The following PITPNC1 variants were observed in gnomAD, a reference collection of about 807,000 sequenced individuals.
The protein encoded by PITPNC1 is cytoplasmic phosphatidylinositol transfer protein 1.
In PITPNC1, 18 loss-of-function variants were observed where a neutral mutation model predicts 44.7. The observed-to-expected ratio is 0.40, with a 90% CI of 0.28 to 0.60. The LOEUF (loss-of-function observed/expected upper bound fraction) is 0.60, where lower values mean the gene tolerates loss of function less well. Ranked by LOEUF, PITPNC1 falls within the 20% of genes least tolerant of loss-of-function variation. The probability of loss-of-function intolerance (pLI) is 0.39; values close to 1 mark genes in which losing one functional copy is unlikely to be tolerated. For missense variants in PITPNC1, 290 were observed against 418.4 expected (o/e 0.69, Z 2.68); for synonymous variants, 141 against 149.6 (o/e 0.94, Z 0.42).
intron 1 of PITPNC1, among the ~76,000 whole-genome samples, chr17:67,487,828 G>C (rs1166281585): frequency 1.3e-5 from 2 of 152,126 alleles, no homozygotes; most frequent in African/African-American, 2.4e-5. Context: ...CTTGGGGTTT[G>C]GGATCAGCCT....
At chr17:67,453,168 C>G (rs531190168) in intron 1 of PITPNC1, among the ~76,000 whole-genome samples, 3 of 152,132 alleles carry the variant, frequency 2.0e-5, no homozygotes, top group Non-Finnish European at 4.4e-5. Flanking sequence ...AATGAGCAAA[C>G]TGATACTTTG....
chr17:67,545,505 G>C (rs1200670264), intron 2 of PITPNC1, among the ~76,000 whole-genome samples: 1 of 152,202 alleles, frequency 6.6e-6, no homozygotes, highest in African/African-American at 2.4e-5. Context: ...GAACCCAGGA[G>C]GTGGAGGTTG....
In PITPNC1 at chr17:67,512,772, C is replaced by CTT. The variant is rs66468403; in HGVS notation, c.49-20020_49-20019dup. 9.0e-3 allele frequency among the ~76,000 whole-genome samples: 1,322 copies of CTT among 146,892 alleles called. 15 individuals carry two copies. Among genetic ancestry groups the CTT allele is most frequent in the African/African-American group, 0.031 (1,257 of 40,256 alleles). Reference sequence around the variant, plus strand: ...ATTTAATTTTTGAGAATTTTATTGACTTTTTTTTTTTACCATAAGAAAAGC... The same window carrying CTT: ...ATTTAATTTTTGAGAATTTTATTGACTTTTTTTTTTTTTACCATAAGAAAAGC... On this transcript the variant is annotated intron_variant, in intron 1 of 8. Coordinates refer to ENST00000581322, the MANE Select transcript of PITPNC1 (RefSeq NM_012417.4).
chr17:67,443,487 A>G (rs979910020), intron 1 of PITPNC1, among the ~76,000 whole-genome samples: 2 of 151,828 alleles, frequency 1.3e-5, no homozygotes, highest in Non-Finnish European at 2.9e-5. Flanking sequence ...TTCCACTGCC[A>G]GCTCCTTGAG....
chr17:67,605,318 A>G (rs2041594610), intron 5 of PITPNC1, among the ~76,000 whole-genome samples: 2 of 152,162 alleles, frequency 1.3e-5, no homozygotes, highest in Admixed American at 6.5e-5. Flanking sequence ...CCCTGCATGG[A>G]GAAGGAGACA....
intron 5 of PITPNC1, among the ~76,000 whole-genome samples, chr17:67,588,237 C>T (rs147754837): frequency 6.6e-6 from 1 of 152,190 alleles, no homozygotes; most frequent in Non-Finnish European, 1.5e-5. Context: ...CTCCTGACCT[C>T]AAGTGATCTG....
chr17:67,493,702 G>A (rs1784857577), intron 1 of PITPNC1, among the ~76,000 whole-genome samples: 1 of 152,180 alleles, frequency 6.6e-6, no homozygotes, highest in African/African-American at 2.4e-5. Flanking sequence ...AGGAAAGTGT[G>A]GTGATGGTAC....
intron 1 of PITPNC1, chr17:67,457,687 A>G (rs557424808): frequency 6.6e-6 from 1 of 152,336 alleles, no homozygotes; most frequent in Non-Finnish European, 1.5e-5. Context: ...CACGCTGGCT[A>G]TCTGGCTGTT....
chr17:67,516,107 T>G (rs1446105921), intron 1 of PITPNC1, among the ~76,000 whole-genome samples: 1 of 152,164 alleles, frequency 6.6e-6, no homozygotes, highest in Non-Finnish European at 1.5e-5. Flanking sequence ...CTCTCCTCTC[T>G]TTGCTCTCCT....
intron 1 of PITPNC1, among the ~76,000 whole-genome samples, chr17:67,395,512 T>C (rs551784208): frequency 5.3e-5 from 8 of 152,252 alleles, no homozygotes; most frequent in African/African-American, 1.9e-4. Context: ...CTGAGGAGCA[T>C]GTCTTCTGAA....
intron 5 of PITPNC1, among the ~76,000 whole-genome samples, chr17:67,626,783 G>T (rs940271156): frequency 2.0e-5 from 3 of 150,792 alleles, no homozygotes; most frequent in Admixed American, 2.0e-4. Context: ...GGAAATTAGG[G>T]TGCTTACAAC....
rs115290729 is a variant in PITPNC1 at position 67,587,433 on chromosome 17, G to A, written c.366+9176G>A. ...CGCTTGAGCCCAGGCAGTCAAGGCTGCAGTGAACCATGATCAAGCCACCAT... is the reference window on the plus strand; with the variant it reads ...CGCTTGAGCCCAGGCAGTCAAGGCTACAGTGAACCATGATCAAGCCACCAT... On this transcript the variant is annotated intron_variant, in intron 5 of 8. Coordinates refer to ENST00000581322, the MANE Select transcript of PITPNC1 (RefSeq NM_012417.4). Among the ~76,000 whole-genome samples the A allele has an allele frequency of 6.8e-3, 1,028 of 152,270 alleles. 15 individuals carry two copies. Among genetic ancestry groups the A allele is most frequent in the African/African-American group, 0.024 (991 of 41,544 alleles).
chr17:67,531,290 T>C (rs566441252), intron 1 of PITPNC1, among the ~76,000 whole-genome samples: 1 of 152,340 alleles, frequency 6.6e-6, no homozygotes, highest in East Asian at 1.9e-4. Flanking sequence ...TATTTTTCCT[T>C]TTCCTGGTCT....
intron 5 of PITPNC1, among the ~76,000 whole-genome samples, chr17:67,609,034 T>G (rs960676465): frequency 4.6e-5 from 7 of 151,604 alleles, no homozygotes; most frequent in Non-Finnish European, 7.4e-5. Flanking sequence ...TTATTTATTT[T>G]TATTTTTTGT....
At chr17:67,470,364 C>G (rs1015259492) in intron 1 of PITPNC1, among the ~76,000 whole-genome samples, 1 of 152,230 alleles carries the variant, frequency 6.6e-6, no homozygotes, top group Non-Finnish European at 1.5e-5. Context: ...TAGAACTTCC[C>G]TTGTGACTTT....
intron 1 of PITPNC1, among the ~76,000 whole-genome samples, chr17:67,503,948 T>C (rs1247252059): frequency 2.0e-5 from 3 of 152,186 alleles, no homozygotes; most frequent in South Asian, 2.1e-4. Context: ...TCTATTCCCT[T>C]ATTTTGCAAC....
Position 67,483,129 on chromosome 17 carries a change from T to C in PITPNC1, c.49-49673T>C, listed in dbSNP as rs546188804. Among the ~76,000 whole-genome samples the C allele has an allele frequency of 3.3e-5, 5 of 152,328 alleles. No homozygotes were observed. The East Asian group carries it at 9.6e-4, about 29-fold the overall frequency. ...ATGAACTGGGAGTGGCAGAGCCATC[T>C]TTAAACCCCAGGTCCTTTCTGGATG... On this transcript the variant is annotated intron_variant, in intron 1 of 8. Transcript: ENST00000581322.
At chr17:67,492,070 G>A (rs1306127853) in intron 1 of PITPNC1, among the ~76,000 whole-genome samples, 2 of 150,544 alleles carry the variant, frequency 1.3e-5, no homozygotes, top group Non-Finnish European at 2.9e-5. Context: ...TTTCTGAGAA[G>A]TTGTAAACTA....
At chr17:67,392,622 TC>T (rs2038154677) in intron 1 of PITPNC1, among the ~76,000 whole-genome samples, 1 of 152,114 alleles carries the variant, frequency 6.6e-6, no homozygotes. Flanking sequence ...TTCAAAATGA[TC>T]AGGAATGTTA....
Sources: allele counts gnomAD v4.1 joint callset (sites outside exome capture counted in the v4.1 genomes callset), GRCh38; gene constraint gnomAD v4.1.1; transcripts MANE v1.5; gene names NCBI Gene and HGNC (gene_info 2026-07-23, HGNC 2026-07-21).